The following P2RY8 variants were observed in gnomAD, a reference collection of about 807,000 sequenced individuals.
P2RY8 encodes P2Y receptor family member 8.
A neutral mutation model predicts 10.0 loss-of-function variants in P2RY8; 6 were observed. The observed-to-expected ratio is 0.60, with a 90% CI of 0.33 to 1.19. P2RY8 has a LOEUF of 1.19. P2RY8 is among the 50% of genes most tolerant of loss of function. P2RY8 has a pLI of 0.04. For missense variants in P2RY8, 456 were observed against 542.0 expected (o/e 0.84, Z 1.58); for synonymous variants, 276 against 252.5 (o/e 1.09, Z -0.88).
In P2RY8 at chrX:1,463,353, G is replaced by C. The variant is rs1603452423; in HGVS notation, c.*2126C>G. On this transcript the variant is annotated 3_prime_UTR_variant, in exon 2 of 2. Coordinates refer to ENST00000381297, the MANE Select transcript of P2RY8 (RefSeq NM_178129.5). ...TTCTGGGTCTCTTACGCATCCTCCA[G>C]TTCCCCCTGGAGGCTCTAGGGGAGG... The C allele has an allele frequency of 8.6e-6, 2 of 232,758 alleles. No individual in the cohort carries two copies. The highest frequency in any genetic ancestry group is 5.6e-5 in the Admixed American group (1 of 17,772). The allele number at this position is 232,758 out of a possible 1,614,324, so 14.4% of individuals were successfully genotyped here. A position where few individuals can be genotyped will look rare whatever the true frequency, so the allele number is the denominator to read the frequency against.
chrX:1,531,402 A>T (rs73186983), intron 1 of P2RY8, among the ~76,000 whole-genome samples: 10,799 of 152,032 alleles, frequency 0.071, 524 homozygotes, highest in Non-Finnish European at 0.1. Context: ...TGCCCTCTCC[A>T]TCAGGGGTCC....
At chrX:1,485,075 T>A (rs1423937655) in intron 1 of P2RY8, among the ~76,000 whole-genome samples, 2 of 147,502 alleles carry the variant, frequency 1.4e-5, no homozygotes, top group African/African-American at 2.5e-5. Context: ...GAAATCCTCC[T>A]GCCTCAGCCT....
intron 1 of P2RY8, among the ~76,000 whole-genome samples, chrX:1,472,084 G>T (rs1395296792): frequency 6.6e-6 from 1 of 152,114 alleles, no homozygotes; most frequent in African/African-American, 2.4e-5. Context: ...CAAAACAGAC[G>T]CTGGCTTCAA....
At chrX:1,512,339 G>A (rs1477388405) in intron 1 of P2RY8, among the ~76,000 whole-genome samples, 1 of 152,022 alleles carries the variant, frequency 6.6e-6, no homozygotes, top group Non-Finnish European at 1.5e-5. Flanking sequence ...CTGAGGTCAG[G>A]CGTTTGAGAC....
intron 1 of P2RY8, among the ~76,000 whole-genome samples, chrX:1,531,396 C>A (rs185576966): frequency 4.3e-4 from 65 of 152,272 alleles, no homozygotes; most frequent in African/African-American, 1.6e-3. Context: ...CCTGCATGCC[C>A]TCTCCATCAG....
intron 1 of P2RY8, among the ~76,000 whole-genome samples, chrX:1,478,251 G>GTT (rs2091898046): frequency 7.2e-5 from 8 of 110,428 alleles, no homozygotes; most frequent in African/African-American, 1.7e-4. Context: ...GCAGGCGTAT[G>GTT]TGTGTGTGTG....
intron 1 of P2RY8, among the ~76,000 whole-genome samples, chrX:1,468,491 C>A (rs2091724570): frequency 6.6e-6 from 1 of 152,172 alleles, no homozygotes; most frequent in Non-Finnish European, 1.5e-5. Flanking sequence ...CATGACTAAT[C>A]AAGAAATTAC....
chrX:1,475,931 A>G (rs1436903696), intron 1 of P2RY8, among the ~76,000 whole-genome samples: 2 of 152,150 alleles, frequency 1.3e-5, no homozygotes, highest in African/African-American at 4.8e-5. Context: ...CCCTCTCCTC[A>G]CCTGCCATGG....
At position 1,465,577 on chromosome X, in the gene P2RY8, C is replaced by G. The variant is rs765148420; in HGVS notation, c.982G>C (p.Ala328Pro). 1.2e-6 allele frequency: 2 copies of G among 1,612,826 alleles called. No individual in the cohort carries two copies. Among genetic ancestry groups the G allele is most frequent in the Non-Finnish European group, 1.7e-6 (2 of 1,179,808 alleles). ...LDTRRESLFS[A>P]RTTSVRSEAG... ...TCGGAGCGCACGGACGTGGTCCTGG[C>G]GGAGAAGAGGCTCTCGCGGCGCGTG... Residue 328 changes from alanine to proline, a missense_variant, in exon 2 of 2, where the codon GCC (alanine) becomes CCC (proline). Transcript: ENST00000381297.
intron 1 of P2RY8, among the ~76,000 whole-genome samples, chrX:1,504,013 T>C (rs1470359511): frequency 6.6e-6 from 1 of 152,080 alleles, no homozygotes; most frequent in Non-Finnish European, 1.5e-5. Context: ...GTAAAGGAAC[T>C]GTCTTTAAAG....
intron 1 of P2RY8, among the ~76,000 whole-genome samples, chrX:1,499,163 C>CTTTTTTTTTTTT (rs1163119480): frequency 4.1e-5 from 2 of 48,434 alleles, no homozygotes; most frequent in East Asian, 5.6e-4. Context: ...TTTTTCTTTT[C>CTTTTTTTTTTTT]TTTTTTTTTT....
chrX:1,477,350 A>C (rs2091887420), intron 1 of P2RY8, among the ~76,000 whole-genome samples: 1 of 151,888 alleles, frequency 6.6e-6, no homozygotes, highest in East Asian at 1.9e-4. Context: ...ATTATCTATC[A>C]ATCGATCATC....
intron 1 of P2RY8, among the ~76,000 whole-genome samples, chrX:1,530,278 T>G (rs1355501658): frequency 6.8e-6 from 1 of 146,384 alleles, no homozygotes; most frequent in African/African-American, 2.6e-5. Flanking sequence ...ATTATCTATC[T>G]ATCTATCTAT....
intron 1 of P2RY8, among the ~76,000 whole-genome samples, chrX:1,526,542 C>G (rs1459901135): frequency 2.0e-5 from 3 of 151,982 alleles, no homozygotes; most frequent in Non-Finnish European, 2.9e-5. Context: ...GCATCCACCA[C>G]TCATCCATCC....
chrX:1,483,825 G>A (rs2091961024), intron 1 of P2RY8, among the ~76,000 whole-genome samples: 1 of 150,574 alleles, frequency 6.6e-6, no homozygotes, highest in Non-Finnish European at 1.5e-5. Flanking sequence ...CACAGAGCTG[G>A]GCTCTCCTAA....
intron 1 of P2RY8, among the ~76,000 whole-genome samples, chrX:1,476,299 G>A (rs1158778918): frequency 1.3e-5 from 2 of 152,052 alleles, no homozygotes; most frequent in African/African-American, 4.8e-5. Flanking sequence ...TGGGTCGGCT[G>A]GGCACGGTGG....
Position 1,518,691 on chromosome X carries a change from C to A in P2RY8, c.-25+18230G>T, listed in dbSNP as rs535629091. 2.5e-3 allele frequency among the ~76,000 whole-genome samples: 374 copies of A among 151,868 alleles called. 1 individual carries two copies. Among genetic ancestry groups the A allele is most frequent in the African/African-American group, 8.8e-3 (365 of 41,432 alleles). ...TCTGGTTCCCTAAAATCTCTCCAGT[C>A]CCCTCAAATCTGTTTGGTTCTCCCT... On this transcript the variant is annotated intron_variant, in intron 1 of 1. Coordinates refer to ENST00000381297, the MANE Select transcript of P2RY8 (RefSeq NM_178129.5).
At chrX:1,484,738 AAAAAAAAAAAGAAGAAG>A (rs1277220065) in intron 1 of P2RY8, among the ~76,000 whole-genome samples, 10 of 139,394 alleles carry the variant, frequency 7.2e-5, no homozygotes, top group Admixed American at 1.4e-4. Flanking sequence ...AAAAAAAAAA[AAAAAAAAAAAGAAGAAG>A]AAGAAGAAGA....
At position 1,516,058 on chromosome X, in the gene P2RY8, G is replaced by A. The variant is rs770915624; in HGVS notation, c.-25+20863C>T. Reference sequence around the variant, plus strand: ...AAAAAATACTAAAAATTAGCCAGGCGCGGTGGCAGGCACCTGTAATCCCAC... The same window carrying A: ...AAAAAATACTAAAAATTAGCCAGGCACGGTGGCAGGCACCTGTAATCCCAC... On this transcript the variant is annotated intron_variant, in intron 1 of 1. Coordinates refer to ENST00000381297, the MANE Select transcript of P2RY8 (RefSeq NM_178129.5). Among the ~76,000 whole-genome samples the A allele has an allele frequency of 1.1e-4, 16 of 151,008 alleles. No individual in the cohort carries two copies. The South Asian group carries it at 2.1e-3, about 20-fold the overall frequency.
Sources: allele counts gnomAD v4.1 joint callset (sites outside exome capture counted in the v4.1 genomes callset), GRCh38; gene constraint gnomAD v4.1.1; transcripts MANE v1.5; gene names NCBI Gene and HGNC (gene_info 2026-07-23, HGNC 2026-07-21).